The following NAE1 variants were observed in gnomAD, a reference collection of about 807,000 sequenced individuals.
NAE1 encodes NEDD8-activating enzyme E1 regulatory subunit.
Under a neutral mutation model 88.0 loss-of-function variants are expected in NAE1, and 59 were observed. That is an observed-to-expected ratio of 0.67 (90% CI 0.54 to 0.83). The LOEUF is 0.83. NAE1 is among the 40% of genes least tolerant of loss of function. The pLI is 0.00. For missense variants in NAE1, 554 were observed against 632.8 expected, an observed-to-expected ratio of 0.88 and a Z score of 1.34; for synonymous variants, 186 against 208.9, an observed-to-expected ratio of 0.89 and a Z score of 0.95.
At chr16:66,813,470 T>A in intron 13 of NAE1, 94 bp downstream of exon 13, 1 of 1,424,842 alleles carries the variant, frequency 7.0e-7, no homozygotes, top group Non-Finnish European at 9.5e-7. Context: ...GAGGTTGTAA[T>A]AAACTTTCAT....
chr16:66,810,090 TA>T (rs934146317), intron 15 of NAE1, among the ~76,000 whole-genome samples: 4 of 152,176 alleles, frequency 2.6e-5, no homozygotes, highest in Non-Finnish European at 5.9e-5. Flanking sequence ...ACTTAAAATT[TA>T]AAAACTGAAA....
Position 66,823,272 on chromosome 16 carries a change from A to C in NAE1, c.356T>G (p.Phe119Cys). The C allele has an allele frequency of 6.2e-7, 1 of 1,605,386 alleles. No homozygotes were observed. The highest frequency in any genetic ancestry group is 8.5e-7 in the Non-Finnish European group (1 of 1,177,316). Residue 119 changes from phenylalanine (F) to cysteine (C), a missense_variant, in exon 6 of 20, where the codon TTT becomes TGT. Phe to Cys is a radical substitution (Grantham distance 205, BLOSUM62 -2). Transcript: ENST00000290810. Reference sequence around the variant, plus strand: ...AACTACAACAGTAAACCTACAGAAAAATGAGGGATCATTGTCTAGAAGGTT... The same window carrying C: ...AACTACAACAGTAAACCTACAGAAACATGAGGGATCATTGTCTAGAAGGTT... ...PENLLDNDPSFFCRFTVVVAT... is the reference protein window; with the variant it reads ...PENLLDNDPSCFCRFTVVVAT...
chr16:66,813,500 TAAAATGTTTATCTCTAATATA>T, intron 13 of NAE1, 43 bp downstream of exon 13: 17 of 1,506,176 alleles, frequency 1.1e-5, no homozygotes, highest in Non-Finnish European at 1.5e-5. Context: ...GACAGGATGA[TAAAATGTTTATCTCTAATATA>T]ATCAGACTTT....
At chr16:66,822,931 G>A (rs1960327181) in intron 6 of NAE1, among the ~76,000 whole-genome samples, 1 of 147,104 alleles carries the variant, frequency 6.8e-6, no homozygotes, top group Non-Finnish European at 1.5e-5. Flanking sequence ...GCCTCCCAAA[G>A]TGCTGGGATT....
intron 3 of NAE1, chr16:66,826,172 G>A (rs992911992): frequency 4.1e-6 from 1 of 245,272 alleles, no homozygotes; most frequent in South Asian, 6.3e-5. Flanking sequence ...GATACCCCTA[G>A]ACTAAGCCTA....
Position 66,820,138 on chromosome 16 carries a change from T to G in NAE1, c.511+1312A>C, listed in dbSNP as rs1356391493. Among the ~76,000 whole-genome samples, 3 of 152,218 alleles carry G rather than the reference T, an allele frequency of 2.0e-5. No individual in the cohort carries two copies. The East Asian group carries it at 5.8e-4, about 29-fold the overall frequency. On this transcript the variant is annotated intron_variant, in intron 7 of 19. Transcript: ENST00000290810. Reference sequence around the variant, plus strand: ...CTTATCCTGACAAGCACTCCCTAACTGCCCACACAGATATTACTCCTCAGT... The same window carrying G: ...CTTATCCTGACAAGCACTCCCTAACGGCCCACACAGATATTACTCCTCAGT...
In NAE1 at chr16:66,830,941, G is replaced by C. The variant is rs777622863; in HGVS notation, c.-42C>G. On this transcript the variant is annotated 5_prime_UTR_variant, in exon 1 of 20. Transcript: ENST00000290810. ...CGGAAAACAGCCGAGCCCCTGCGGA[G>C]CGCCGCCACCAGCTCCACAAGCGCG... 1 of 1,491,860 alleles carries C rather than the reference G, an allele frequency of 6.7e-7. No homozygotes were observed. Among genetic ancestry groups the C allele is most frequent in the Non-Finnish European group, 8.9e-7 (1 of 1,127,896 alleles). The allele number at this position is 1,491,860 out of a possible 1,614,324, so 92.4% of individuals were successfully genotyped here. A position where few individuals can be genotyped will look rare whatever the true frequency, so the allele number is the denominator to read the frequency against.
chr16:66,823,743 C>G, intron 4 of NAE1, 143 bp from the exon 5 acceptor site: 1 of 677,624 alleles, frequency 1.5e-6, no homozygotes, highest in Non-Finnish European at 2.4e-6. Flanking sequence ...CTTCTTTTTT[C>G]TTTTTAGAGA....
intron 1 of NAE1, 80 bp downstream of exon 1, chr16:66,830,767 G>A: frequency 8.8e-6 from 12 of 1,366,840 alleles, no homozygotes; most frequent in African/African-American, 1.5e-5. Context: ...AGGCCCGACC[G>A]CGCCGCCCGC....
intron 6 of NAE1, among the ~76,000 whole-genome samples, chr16:66,822,678 T>TTTA (rs1567495452): frequency 1.0e-4 from 15 of 147,304 alleles, no homozygotes; most frequent in African/African-American, 2.8e-4. Context: ...TTATTTATTT[T>TTTA]TTTTTTTTGA....
Position 66,816,566 on chromosome 16 carries a change from C to A in NAE1, c.840+15G>T. 1 of 1,557,256 alleles carries A rather than the reference C, an allele frequency of 6.4e-7. No homozygotes were observed. The highest frequency in any genetic ancestry group is 8.9e-7 in the Non-Finnish European group (1 of 1,129,742). The stretch of plus-strand genomic sequence containing the variant: ...CATCTTGTTCATGTGAATCCCTCAG[C>A]AACTCTTTCATTACCTGAGTTGTAT... On this transcript the variant is annotated intron_variant, in intron 11 of 19. Coordinates refer to ENST00000290810, the MANE Select transcript of NAE1 (RefSeq NM_003905.4).
At chr16:66,829,416 C>G (rs183321933) in intron 1 of NAE1, among the ~76,000 whole-genome samples, 1 of 152,138 alleles carries the variant, frequency 6.6e-6, no homozygotes, top group Non-Finnish European at 1.5e-5. Context: ...GCCAGAAGAG[C>G]CTTAGTTTAC....
At chr16:66,808,495 T>A in intron 17 of NAE1, 26 bp downstream of exon 17, 2 of 1,344,174 alleles carry the variant, frequency 1.5e-6, no homozygotes, top group Non-Finnish European at 2.1e-6. Context: ...TCTTATTATA[T>A]CTGGTAATTC....
In NAE1 at chr16:66,821,555, A is replaced by G; in HGVS notation, c.406T>C (p.Ser136Pro). ...VVATQLPEST[S>P]LRLADVLWNS... Reference sequence around the variant, plus strand: ...CAGAGGACATCTGCTAAGCGTAGTGAAGTGCTGTTTAAAAAAAAAAAGCAA... The same window carrying G: ...CAGAGGACATCTGCTAAGCGTAGTGGAGTGCTGTTTAAAAAAAAAAAGCAA... The change falls in exon 7 of 20, where the codon TCA becomes CCA. Residue 136 changes from serine (S) to proline (P), a missense_variant. Physicochemically the swap from Ser to Pro is moderately conservative, Grantham distance 74. Coordinates refer to ENST00000290810, the MANE Select transcript of NAE1 (RefSeq NM_003905.4). The G allele has an allele frequency of 6.4e-7, 1 of 1,571,354 alleles. No homozygotes were observed. The highest frequency in any genetic ancestry group is 1.2e-5 in the South Asian group (1 of 83,592).
chr16:66,827,900 G>A, intron 1 of NAE1: 1 of 1,224,924 alleles, frequency 8.2e-7, no homozygotes, highest in Non-Finnish European at 1.2e-6. Flanking sequence ...TATCCAGACT[G>A]GTCTTGAACT....
At chr16:66,818,751 T>G (rs1465800554) in intron 7 of NAE1, 114 bp from the exon 8 acceptor site, 2 of 1,351,008 alleles carry the variant, frequency 1.5e-6, no homozygotes, top group African/African-American at 3.0e-5. Flanking sequence ...CACAGCTCAC[T>G]GCTGAAACTC....
chr16:66,810,613 G>T, intron 14 of NAE1, 84 bp downstream of exon 14: 1 of 1,287,340 alleles, frequency 7.8e-7, no homozygotes, highest in Non-Finnish European at 1.1e-6. Context: ...CACAGAGGCA[G>T]TGCCACACCC....
At chr16:66,807,848 TAACTA>T (rs1218204027) in intron 17 of NAE1, among the ~76,000 whole-genome samples, 5 of 152,018 alleles carry the variant, frequency 3.3e-5, no homozygotes, top group Non-Finnish European at 2.9e-5. Context: ...AAAAAGTAGA[TAACTA>T]AACAAAGAAA....
chr16:66,804,443 T>G (rs905437486), intron 19 of NAE1, among the ~76,000 whole-genome samples: 10 of 152,338 alleles, frequency 6.6e-5, no homozygotes, highest in African/African-American at 2.2e-4. Flanking sequence ...TAAAATAAAT[T>G]ATTCTGAATC....
Sources: gnomAD v4.1 joint callset for allele counts (sites outside exome capture counted in the v4.1 genomes callset) on GRCh38, gnomAD v4.1.1 for gene constraint, MANE v1.5 for transcripts, NCBI Gene and HGNC (gene_info 2026-07-23, HGNC 2026-07-21) for gene names.